The following CSMD1 variants were observed in gnomAD, a reference collection of about 807,000 sequenced individuals.
The protein encoded by CSMD1 is CUB and Sushi multiple domains 1.
In CSMD1, 213 loss-of-function variants were observed where a neutral mutation model predicts 417.5. The ratio of observed to expected loss-of-function variants is 0.51; its 90% CI spans 0.46 to 0.57. The LOEUF is 0.57. CSMD1 is among the 20% of genes least tolerant of loss of function. CSMD1 has a pLI of 0.00. For missense variants in CSMD1, 6,923 were observed against 4,529.7 expected, an observed-to-expected ratio of 1.53 and a Z score of -15.17; for synonymous variants, 2,862 against 1,736.8, an observed-to-expected ratio of 1.65 and a Z score of -16.11.
chr8:3,782,774 A>C (rs559030361), intron 5 of CSMD1, among the ~76,000 whole-genome samples: 1 of 152,348 alleles, frequency 6.6e-6, no homozygotes, highest in South Asian at 2.1e-4. Flanking sequence ...GATCTAAATA[A>C]ACTTTAGGAA....
chr8:4,229,778 T>C (rs776642296), intron 3 of CSMD1, among the ~76,000 whole-genome samples: 6 of 152,122 alleles, frequency 3.9e-5, no homozygotes, highest in Non-Finnish European at 8.8e-5. Context: ...ACCCACTAAG[T>C]GTTTCATCAC....
chr8:2,939,891 C>T (rs958862026), intron 69 of CSMD1, among the ~76,000 whole-genome samples: 1 of 152,310 alleles, frequency 6.6e-6, no homozygotes, highest in South Asian at 2.1e-4. Flanking sequence ...TTCACTCAAT[C>T]GTCCAGATCA....
intron 3 of CSMD1, among the ~76,000 whole-genome samples, chr8:4,358,402 G>T (rs1312449086): frequency 2.0e-5 from 3 of 152,060 alleles, no homozygotes; most frequent in Admixed American, 6.5e-5. Flanking sequence ...ACTGTTTCGT[G>T]ACACGTGAAA....
chr8:4,637,827 C>T (rs1344640281), intron 1 of CSMD1, among the ~76,000 whole-genome samples: 1 of 151,564 alleles, frequency 6.6e-6, no homozygotes, highest in Non-Finnish European at 1.5e-5. Context: ...CCCGCCACCG[C>T]GCCCGGCTAA....
At chr8:3,511,256 G>C (rs1331271043) in intron 10 of CSMD1, among the ~76,000 whole-genome samples, 3 of 151,676 alleles carry the variant, frequency 2.0e-5, no homozygotes, top group East Asian at 1.9e-4. Context: ...GGAATGAATA[G>C]CATTAGGAGA....
At chr8:3,959,897 T>C (rs1383242835) in intron 5 of CSMD1, among the ~76,000 whole-genome samples, 1 of 152,224 alleles carries the variant, frequency 6.6e-6, no homozygotes, top group Non-Finnish European at 1.5e-5. Flanking sequence ...ATTCCTTTTA[T>C]TATTTAGATG....
chr8:4,271,645 A>G (rs573586906), intron 3 of CSMD1, among the ~76,000 whole-genome samples: 10 of 152,312 alleles, frequency 6.6e-5, no homozygotes, highest in African/African-American at 2.4e-4. Flanking sequence ...AAAGGAAAAG[A>G]AAAGAAATGG....
At chr8:3,945,763 C>A (rs781515899) in intron 5 of CSMD1, among the ~76,000 whole-genome samples, 1 of 152,032 alleles carries the variant, frequency 6.6e-6, no homozygotes, top group Non-Finnish European at 1.5e-5. Flanking sequence ...TGGGCTGGAA[C>A]TGGAGATATG....
rs182450836 is a variant in CSMD1, at chr8:3,733,334, A to T, written c.931+20596T>A. 1.9e-3 allele frequency among the ~76,000 whole-genome samples: 277 copies of T among 148,128 alleles called. 3 individuals carry two copies. Among genetic ancestry groups the T allele is most frequent in the African/African-American group, 6.4e-3 (262 of 40,772 alleles). On this transcript the variant is annotated intron_variant, in intron 6 of 69. Coordinates refer to ENST00000635120, the MANE Select transcript of CSMD1 (RefSeq NM_033225.6). Reference sequence around the variant, plus strand: ...CATACATATATGTACAAATATATATACACAGACATATATATTATATATATA... The same window carrying T: ...CATACATATATGTACAAATATATATTCACAGACATATATATTATATATATA...
intron 1 of CSMD1, among the ~76,000 whole-genome samples, chr8:4,945,492 T>TC (rs1489665890): frequency 6.9e-6 from 1 of 145,444 alleles, no homozygotes; most frequent in Non-Finnish European, 1.5e-5. Context: ...CCCAAGAGTT[T>TC]TAAAAAAACA....
chr8:3,159,750 G>A (rs770095187), intron 38 of CSMD1, among the ~76,000 whole-genome samples: 4 of 152,260 alleles, frequency 2.6e-5, no homozygotes, highest in South Asian at 2.1e-4. Context: ...GCTAATAAAC[G>A]GTCTGCTGGG....
intron 5 of CSMD1, among the ~76,000 whole-genome samples, chr8:3,879,021 AT>A (rs1806022667): frequency 6.6e-6 from 1 of 152,150 alleles, no homozygotes; most frequent in African/African-American, 2.4e-5. Flanking sequence ...AATTTAGTAT[AT>A]TTTACCTCTG....
chr8:4,404,272 A>G (rs1804858891), intron 3 of CSMD1, among the ~76,000 whole-genome samples: 1 of 152,056 alleles, frequency 6.6e-6, no homozygotes, highest in Admixed American at 6.5e-5. Flanking sequence ...TATGTCATCT[A>G]TCACCTTATG....
At chr8:4,944,508 C>T (rs1271046069) in intron 1 of CSMD1, among the ~76,000 whole-genome samples, 2 of 152,150 alleles carry the variant, frequency 1.3e-5, no homozygotes, top group African/African-American at 2.4e-5. Flanking sequence ...GCTGAAAGAA[C>T]ACATCAGAGA....
chr8:4,507,451 C>T (rs1802587406), intron 2 of CSMD1, among the ~76,000 whole-genome samples: 5 of 152,072 alleles, frequency 3.3e-5, no homozygotes, highest in Admixed American at 3.3e-4. Context: ...CCAGGCTGTC[C>T]TTATCTCTGG....
intron 1 of CSMD1, among the ~76,000 whole-genome samples, chr8:4,989,553 C>A (rs1811356926): frequency 6.6e-6 from 1 of 152,180 alleles, no homozygotes; most frequent in African/African-American, 2.4e-5. Flanking sequence ...TTACTATGTG[C>A]AACTACGCAT....
intron 50 of CSMD1, among the ~76,000 whole-genome samples, chr8:3,030,501 C>T (rs531722156): frequency 6.6e-6 from 1 of 152,030 alleles, no homozygotes; most frequent in East Asian, 1.9e-4. Context: ...AAGTCTCGCT[C>T]TCTGTCTCCC....
rs142707462 is a variant in CSMD1 at position 4,701,912 on chromosome 8, G to T, written c.86-64354C>A. Among the ~76,000 whole-genome samples the T allele has an allele frequency of 6.1e-3, 926 of 152,266 alleles. 5 individuals carry two copies. The highest frequency in any genetic ancestry group is 0.017 in the Middle Eastern group (5 of 294). On this transcript the variant is annotated intron_variant, in intron 1 of 69. Coordinates refer to ENST00000635120, the MANE Select transcript of CSMD1 (RefSeq NM_033225.6). ...AGAACATGTGGCACACGTACACTGT[G>T]GAATACTATGCAGCCATAAAAAGGA...
At chr8:4,051,012 G>A (rs879853964) in intron 3 of CSMD1, among the ~76,000 whole-genome samples, 6 of 152,098 alleles carry the variant, frequency 3.9e-5, no homozygotes, top group Admixed American at 2.0e-4. Flanking sequence ...TAAGGAGGAA[G>A]GAGCCAGAAA....
Sources: gnomAD v4.1 joint callset for allele counts (sites outside exome capture counted in the v4.1 genomes callset) on GRCh38, gnomAD v4.1.1 for gene constraint, MANE v1.5 for transcripts, NCBI Gene and HGNC (gene_info 2026-07-23, HGNC 2026-07-21) for gene names.